Variants in CCNH observed in about 807,000 individuals in gnomAD.
CCNH encodes cyclin H, also known as cyclin-H.
Under a neutral mutation model 41.9 loss-of-function variants are expected in CCNH, and 31 were observed. That is an observed-to-expected ratio of 0.74 (90% CI 0.56 to 1.00). The LOEUF (loss-of-function observed/expected upper bound fraction) is 1.00, where lower values mean the gene tolerates loss of function less well. Among genes scored for constraint, CCNH ranks in the 50% least tolerant of loss-of-function variants. The probability of loss-of-function intolerance (pLI) is 0.00; values close to 1 mark genes in which losing one functional copy is unlikely to be tolerated. For synonymous variants in CCNH, 138 were observed against 136.1 expected (o/e 1.01, Z -0.10); for missense variants, 362 against 388.4 (o/e 0.93, Z 0.57).
chr5:87,351,567 C>T (rs752106882), intron 9 of CCNH, among the ~76,000 whole-genome samples: 1 of 151,600 alleles, frequency 6.6e-6, no homozygotes, highest in African/African-American at 2.4e-5. Context: ...TAGAAACTCA[C>T]GTTTATTTCA....
intron 9 of CCNH, among the ~76,000 whole-genome samples, chr5:87,367,833 A>T (rs370763758): frequency 1.2e-4 from 19 of 152,090 alleles, no homozygotes; most frequent in African/African-American, 4.6e-4. Context: ...TTTCGTTGTC[A>T]TTCAAATTGT....
chr5:87,346,686 A>G lies in CCNH; in HGVS notation c.*91-27789T>C, dbSNP rs557793809. ...CTCTTTTTAAGATGGTTCCATGGGA[A>G]GATTTCCAAACAGGAAGCTTATAAT... On this transcript the variant is annotated intron_variant and NMD_transcript_variant, in intron 9 of 9. Coordinates refer to the CCNH transcript ENST00000645953. The G allele has an allele frequency of 1.3e-6, 2 of 1,553,888 alleles. No individual in the cohort carries two copies. Among genetic ancestry groups the G allele is most frequent in the South Asian group, 2.2e-5 (2 of 89,080 alleles).
At chr5:87,318,265 CTG>C (rs1334650452), downstream of CCNH, among the ~76,000 whole-genome samples, 1 of 151,906 alleles carries the variant, frequency 6.6e-6, no homozygotes, top group Non-Finnish European at 1.5e-5. Context: ...AAAATTTGGC[CTG>C]TTAGAGGAGG....
At chr5:87,386,440 G>A (rs1762066505) in intron 9 of CCNH, among the ~76,000 whole-genome samples, 1 of 151,914 alleles carries the variant, frequency 6.6e-6, no homozygotes, top group Non-Finnish European at 1.5e-5. Context: ...TGTAATCTCT[G>A]CTGGATTCAA....
chr5:87,330,946 T>C, intron 9 of CCNH: 1 of 1,431,182 alleles, frequency 7.0e-7, no homozygotes, highest in Non-Finnish European at 9.1e-7. Flanking sequence ...AGGTTCCATG[T>C]GCCTTGTGAA....
chr5:87,390,346 A>T (rs943584845), downstream of CCNH, among the ~76,000 whole-genome samples: 5 of 152,120 alleles, frequency 3.3e-5, no homozygotes, highest in Non-Finnish European at 7.3e-5. Flanking sequence ...GATTTTGTAG[A>T]AGGGATTAAA....
chr5:87,354,727 T>C (rs1002726083), intron 9 of CCNH, among the ~76,000 whole-genome samples: 2 of 152,156 alleles, frequency 1.3e-5, no homozygotes, highest in East Asian at 3.8e-4. Flanking sequence ...AAAGCCAAAA[T>C]AGGCTGAAAG....
upstream of CCNH, among the ~76,000 whole-genome samples, chr5:87,377,832 T>C (rs550404046): frequency 6.6e-6 from 1 of 152,310 alleles, no homozygotes; most frequent in East Asian, 1.9e-4. Flanking sequence ...TAGTAAAGTT[T>C]AGAACTATTT....
intron 9 of CCNH, among the ~76,000 whole-genome samples, chr5:87,324,980 CTG>C (rs1212745941): frequency 1.3e-5 from 2 of 151,934 alleles, no homozygotes; most frequent in Admixed American, 1.3e-4. Context: ...CTTTAGCAGA[CTG>C]TATTAGTTCA....
In CCNH at chr5:87,349,339, A is replaced by G; in HGVS notation, c.*91-30442T>C. The stretch of plus-strand genomic sequence containing the variant: ...ATGTCCAACGCCAAACAATCAGTTT[A>G]TGATGGGAGGCCGGTATTATAACAG... On this transcript the variant is annotated intron_variant and NMD_transcript_variant, in intron 9 of 9. Coordinates refer to the CCNH transcript ENST00000645953. 6.2e-7 allele frequency: 1 copy of G among 1,611,926 alleles called. No individual in the cohort carries two copies.
chr5:87,382,731 G>A (rs1761805785), intron 9 of CCNH, among the ~76,000 whole-genome samples: 1 of 151,968 alleles, frequency 6.6e-6, no homozygotes, highest in East Asian at 1.9e-4. Flanking sequence ...TTTTGCTTTT[G>A]CTATTGTTTT....
chr5:87,411,434 GT>G (rs1465699004), intron 1 of CCNH, 88 bp from the exon 2 acceptor site: 44 of 1,319,322 alleles, frequency 3.3e-5, no homozygotes, highest in Non-Finnish European at 3.9e-5. Context: ...ATTAAATTTA[GT>G]TTATATATCC....
chr5:87,331,520 A>T, intron 9 of CCNH: 1 of 1,608,464 alleles, frequency 6.2e-7, no homozygotes, highest in Non-Finnish European at 8.5e-7. Flanking sequence ...TATTCCTATT[A>T]TGAAGCCAAA....
intron 9 of CCNH, among the ~76,000 whole-genome samples, chr5:87,384,454 CAAA>C (rs1222035627): frequency 6.6e-6 from 1 of 152,064 alleles, no homozygotes; most frequent in Non-Finnish European, 1.5e-5. Flanking sequence ...ATCTGAAGCT[CAAA>C]ATTGTACTAA....
At chr5:87,358,588 G>GC (rs1268917758) in intron 9 of CCNH, among the ~76,000 whole-genome samples, 17 of 152,294 alleles carry the variant, frequency 1.1e-4, no homozygotes, top group Admixed American at 3.3e-4. Flanking sequence ...TATGCTGCAT[G>GC]CTGCGCAGCA....
downstream of CCNH, chr5:87,386,797 G>C: frequency 6.3e-7 from 1 of 1,584,668 alleles, no homozygotes; most frequent in African/African-American, 1.3e-5. Context: ...TGTTTCTGGT[G>C]CATATAACAG....
At chr5:87,347,933 A>T (rs1758980749) in intron 9 of CCNH, among the ~76,000 whole-genome samples, 1 of 151,938 alleles carries the variant, frequency 6.6e-6, no homozygotes, top group African/African-American at 2.4e-5. Context: ...AGCTAAACTT[A>T]ATTTCCTTAA....
chr5:87,346,074 T>G (rs777768777), intron 9 of CCNH, among the ~76,000 whole-genome samples: 3 of 152,124 alleles, frequency 2.0e-5, no homozygotes, highest in Non-Finnish European at 2.9e-5. Flanking sequence ...AAGGCTTAAT[T>G]TAAGAATACA....
intron 9 of CCNH, among the ~76,000 whole-genome samples, chr5:87,358,945 C>T (rs1372965618): frequency 8.0e-6 from 1 of 124,652 alleles, no homozygotes; most frequent in Non-Finnish European, 1.8e-5. Context: ...AGCAAATTAG[C>T]AAATGACACT....
Sources: gnomAD v4.1 joint callset for allele counts (sites outside exome capture counted in the v4.1 genomes callset) on GRCh38, gnomAD v4.1.1 for gene constraint, MANE v1.5 for transcripts, NCBI Gene and HGNC (gene_info 2026-07-23, HGNC 2026-07-21) for gene names.